Variants in GPC5 observed in about 807,000 individuals in gnomAD.
The protein encoded by GPC5 is glypican 5.
Under a neutral mutation model 53.9 loss-of-function variants are expected in GPC5, and 47 were observed. That is an observed-to-expected ratio of 0.87 (90% confidence interval 0.69 to 1.11). The LOEUF is 1.11. GPC5 is among the 50% of genes most tolerant of loss of function. The pLI is 0.00. For missense variants in GPC5, 748 were observed against 713.1 expected, an observed-to-expected ratio of 1.05 and a Z score of -0.56; for synonymous variants, 286 against 263.3, an observed-to-expected ratio of 1.09 and a Z score of -0.84.
intron 4 of GPC5, among the ~76,000 whole-genome samples, chr13:91,730,059 G>A (rs1254277588): frequency 6.6e-6 from 1 of 152,160 alleles, no homozygotes; most frequent in Admixed American, 6.5e-5. Flanking sequence ...GCCATGTTTA[G>A]CCATTGTCCA....
chr13:92,569,359 C>T (rs1447223273), intron 7 of GPC5, among the ~76,000 whole-genome samples: 1 of 151,974 alleles, frequency 6.6e-6, no homozygotes, highest in African/African-American at 2.4e-5. Context: ...GTGACTTGCT[C>T]TAATCACTCT....
intron 3 of GPC5, among the ~76,000 whole-genome samples, chr13:91,716,962 A>G (rs1284357573): frequency 6.6e-6 from 1 of 152,256 alleles, no homozygotes; most frequent in African/African-American, 2.4e-5. Context: ...GTTACTGAGA[A>G]CAACTGTAAA....
intron 6 of GPC5, among the ~76,000 whole-genome samples, chr13:91,929,700 A>G (rs2039803160): frequency 6.6e-6 from 1 of 152,146 alleles, no homozygotes; most frequent in Admixed American, 6.6e-5. Context: ...TGTAACCACA[A>G]TAGTGGTACA....
chr13:92,470,037 A>G (rs1446176849), intron 7 of GPC5, among the ~76,000 whole-genome samples: 1 of 152,184 alleles, frequency 6.6e-6, no homozygotes, highest in Non-Finnish European at 1.5e-5. Flanking sequence ...GGCTAGTATT[A>G]TAGAACTGGA....
intron 2 of GPC5, among the ~76,000 whole-genome samples, chr13:91,610,001 A>G (rs1323764441): frequency 1.3e-5 from 2 of 152,198 alleles, no homozygotes; most frequent in Non-Finnish European, 1.5e-5. Context: ...TCATTTGCTC[A>G]GTTATTCAGC....
chr13:92,218,294 T>C (rs1244320489), intron 7 of GPC5, among the ~76,000 whole-genome samples: 2 of 152,166 alleles, frequency 1.3e-5, no homozygotes, highest in African/African-American at 4.8e-5. Context: ...GATTCATCTT[T>C]ACATGAACTT....
intron 3 of GPC5, among the ~76,000 whole-genome samples, chr13:91,723,635 A>G (rs540092262): frequency 1.9e-3 from 292 of 152,136 alleles, no homozygotes; most frequent in African/African-American, 6.7e-3. Context: ...ACCCCTAGTC[A>G]AATACCATTC....
In GPC5 at chr13:91,572,155, G is replaced by GTA. The variant is rs1306351291; in HGVS notation, c.326-121029_326-121028dup. Among the ~76,000 whole-genome samples the GTA allele has an allele frequency of 6.3e-4, 84 of 133,288 alleles. 2 individuals carry two copies. Among genetic ancestry groups the GTA allele is most frequent in the African/African-American group, 2.2e-3 (77 of 34,890 alleles). 87.4% of individuals were successfully genotyped at this position (133,288 alleles called of 152,430 possible). A position where few individuals can be genotyped will look rare whatever the true frequency, so the allele number is the denominator to read the frequency against. On this transcript the variant is annotated intron_variant, in intron 2 of 7. Transcript: ENST00000377067. ...TATACACATATGTATATATACGTGT[G>GTA]TATACACACACATATGTATATATAC...
chr13:91,688,979 C>G lies in GPC5; in HGVS notation c.326-4208C>G, dbSNP rs148889502. Among the ~76,000 whole-genome samples the G allele has an allele frequency of 5.3e-3, 804 of 151,316 alleles. 13 individuals are homozygous for G. The highest frequency in any genetic ancestry group is 0.035 in the South Asian group (168 of 4,782). ...TTTGGAACCAGCCTGGGCAACATAG[C>G]AAGACCCCATCTCAACAAAAAAATA... On this transcript the variant is annotated intron_variant, in intron 2 of 7. Transcript: ENST00000377067.
intron 7 of GPC5, among the ~76,000 whole-genome samples, chr13:92,805,904 T>C (rs1413355574): frequency 6.6e-6 from 1 of 152,022 alleles, no homozygotes; most frequent in Non-Finnish European, 1.5e-5. Context: ...TTTGGAATGG[T>C]AAATGAGCTT....
chr13:92,614,755 TG>T (rs1282296150), intron 7 of GPC5, among the ~76,000 whole-genome samples: 1 of 152,178 alleles, frequency 6.6e-6, no homozygotes, highest in Non-Finnish European at 1.5e-5. Context: ...AACAATGTAA[TG>T]GGTAGGAGGA....
At chr13:92,261,898 G>A (rs1556343) in intron 7 of GPC5, among the ~76,000 whole-genome samples, 10,189 of 152,216 alleles carry the variant, frequency 0.067, 391 homozygotes, top group Non-Finnish European at 0.086. Flanking sequence ...TAAGTGCAAT[G>A]TCATTTGTAA....
chr13:91,667,451 G>T (rs146185079), intron 2 of GPC5, among the ~76,000 whole-genome samples: 1 of 152,270 alleles, frequency 6.6e-6, no homozygotes, highest in South Asian at 2.1e-4. Flanking sequence ...TGATACAGTT[G>T]AGTGAAGTCA....
intron 7 of GPC5, among the ~76,000 whole-genome samples, chr13:92,485,436 T>C (rs1879516495): frequency 6.6e-6 from 1 of 152,162 alleles, no homozygotes; most frequent in Admixed American, 6.6e-5. Context: ...AAAAGTCTTT[T>C]TCTCTAATTT....
chr13:91,622,497 T>C (rs754260935), intron 2 of GPC5, among the ~76,000 whole-genome samples: 3 of 152,156 alleles, frequency 2.0e-5, no homozygotes, highest in Non-Finnish European at 4.4e-5. Flanking sequence ...GATTTTGATT[T>C]TTTTTCTCAG....
At chr13:91,862,865 T>G (rs1490603566) in intron 5 of GPC5, among the ~76,000 whole-genome samples, 1 of 152,228 alleles carries the variant, frequency 6.6e-6, no homozygotes, top group African/African-American at 2.4e-5. Flanking sequence ...AATGCCCATT[T>G]ATTAAGAAGA....
chr13:91,655,830 A>C (rs557918677), intron 2 of GPC5, among the ~76,000 whole-genome samples: 1 of 152,272 alleles, frequency 6.6e-6, no homozygotes, highest in Non-Finnish European at 1.5e-5. Flanking sequence ...GATACCTGCT[A>C]GTCTGTCAGG....
At chr13:92,592,676 A>C (rs959250367) in intron 7 of GPC5, among the ~76,000 whole-genome samples, 2 of 151,422 alleles carry the variant, frequency 1.3e-5, no homozygotes, top group African/African-American at 2.4e-5. Flanking sequence ...ACCAGTTGAG[A>C]GATAATACCT....
intron 2 of GPC5, among the ~76,000 whole-genome samples, chr13:91,481,767 C>A (rs1053556835): frequency 1.3e-5 from 2 of 152,140 alleles, no homozygotes; most frequent in African/African-American, 2.4e-5. Flanking sequence ...AATGTCTCAT[C>A]CAGCATTGGA....
Sources: gnomAD v4.1 joint callset for allele counts (sites outside exome capture counted in the v4.1 genomes callset) on GRCh38, gnomAD v4.1.1 for gene constraint, MANE v1.5 for transcripts, NCBI Gene and HGNC (gene_info 2026-07-23, HGNC 2026-07-21) for gene names.